The following RMND5B variants were observed in gnomAD, a reference collection of about 807,000 sequenced individuals.
RMND5B encodes E3 ubiquitin-protein transferase RMND5B.
RMND5B carries 42 observed loss-of-function variants against 50.4 expected under a neutral mutation model. The ratio of observed to expected loss-of-function variants is 0.83; its 90% confidence interval spans 0.65 to 1.08. The LOEUF (loss-of-function observed/expected upper bound fraction) is 1.08, where lower values mean the gene tolerates loss of function less well. Among genes scored for constraint, RMND5B ranks in the 50% least tolerant of loss-of-function variants. RMND5B has a pLI of 0.00. For missense variants in RMND5B, 463 were observed against 508.5 expected, an observed-to-expected ratio of 0.91 and a Z score of 0.86; for synonymous variants, 220 against 210.0, an observed-to-expected ratio of 1.05 and a Z score of -0.41.
chr5:178,145,895 C>A, intron 7 of RMND5B: 1 of 545,144 alleles, frequency 1.8e-6, no homozygotes, highest in East Asian at 2.9e-5. Context: ...GTTAGTAATG[C>A]CTGTTCTCAT....
chr5:178,131,366 G>C lies in RMND5B; in HGVS notation c.-23G>C, dbSNP rs1318049415. 3.3e-5 allele frequency: 5 copies of C among 152,220 alleles called. No homozygotes were observed. Among genetic ancestry groups the C allele is most frequent in the Non-Finnish European group, 7.3e-5 (5 of 68,080 alleles). The allele number at this position is 152,220 out of a possible 1,614,324, so 9.4% of individuals were successfully genotyped here. A position where few individuals can be genotyped will look rare whatever the true frequency, so the allele number is the denominator to read the frequency against. ...GTCCTCGTGCGACCGCGCTGGGTCGGAAGTGAGCAGGTGCGCACCGGGCTC... is the reference window on the plus strand; with the variant it reads ...GTCCTCGTGCGACCGCGCTGGGTCGCAAGTGAGCAGGTGCGCACCGGGCTC... On this transcript the variant is annotated 5_prime_UTR_variant, in exon 2 of 11. Coordinates refer to ENST00000313386, the MANE Select transcript of RMND5B (RefSeq NM_022762.5).
chr5:178,133,232 A>G (rs1246608285), intron 2 of RMND5B, among the ~76,000 whole-genome samples: 3 of 152,174 alleles, frequency 2.0e-5, no homozygotes. Flanking sequence ...CTCCTTACAC[A>G]GGAGCCCCTT....
At chr5:178,145,011 A>G (rs1755915161) in intron 7 of RMND5B, among the ~76,000 whole-genome samples, 1 of 152,176 alleles carries the variant, frequency 6.6e-6, no homozygotes, top group Non-Finnish European at 1.5e-5. Context: ...ATTATTTTAA[A>G]TTTTATCTCA....
intron 8 of RMND5B, 152 bp downstream of exon 8, chr5:178,146,431 G>A: frequency 1.5e-6 from 1 of 687,952 alleles, no homozygotes; most frequent in South Asian, 2.0e-5. Flanking sequence ...GGAATTACCT[G>A]TTTTTACAGT....
chr5:178,137,636 G>A lies in RMND5B; in HGVS notation c.-12-472G>A, dbSNP rs1229484987. On this transcript the variant is annotated intron_variant, in intron 2 of 10. Transcript: ENST00000313386. This position sits in a 1 kb window ranked among gnomAD's most constrained non-coding sequence, Gnocchi z 4.4. ...CCTGGGGGGATCAAGGTTGCCATGA[G>A]CTGAGTTTGTGCCACTGCACTCTAG... 6.6e-6 allele frequency among the ~76,000 whole-genome samples: 1 copy of A among 152,186 alleles called. No individual in the cohort carries two copies. The highest frequency in any genetic ancestry group is 1.5e-5 in the Non-Finnish European group (1 of 68,036).
intron 3 of RMND5B, among the ~76,000 whole-genome samples, chr5:178,139,710 ATTTT>A (rs113719288): frequency 9.2e-5 from 12 of 129,896 alleles, no homozygotes; most frequent in African/African-American, 1.2e-4. Context: ...TGCCTGGCTA[ATTTT>A]TTTTTTTTTT....
At position 178,150,379 on chromosome 5, in the gene RMND5B, C is replaced by G; in HGVS notation, c.*2347C>G. On this transcript the variant is annotated 3_prime_UTR_variant, in exon 11 of 11. Transcript: ENST00000313386. ...GTAGGTACCCAAGATCCACCCCCAG[C>G]CTCTATTTTTTTTTTTTGAGACAGG... is the stretch of plus-strand genomic sequence containing the variant. 1 of 259,790 alleles carries G rather than the reference C, an allele frequency of 3.8e-6. No homozygotes were observed. Among genetic ancestry groups the G allele is most frequent in the Non-Finnish European group, 7.4e-6 (1 of 134,318 alleles). The allele number at this position is 259,790 out of a possible 1,614,324, so 16.1% of individuals were successfully genotyped here.
chr5:178,149,561 C>T lies in RMND5B; in HGVS notation c.*1529C>T. 1.2e-6 allele frequency: 1 copy of T among 849,088 alleles called. No individual in the cohort carries two copies. Among genetic ancestry groups the T allele is most frequent in the South Asian group, 1.6e-5 (1 of 60,742 alleles). 52.6% of individuals were successfully genotyped at this position (849,088 alleles called of 1,614,324 possible). On this transcript the variant is annotated 3_prime_UTR_variant, in exon 11 of 11. Coordinates refer to ENST00000313386, the MANE Select transcript of RMND5B (RefSeq NM_022762.5). ...ATGGACAGAAGACTAGCATTACCTT[C>T]ATGAAAGGGCTGTTAGAGCTGCCTG...
intron 7 of RMND5B, 160 bp from the exon 8 acceptor site, chr5:178,145,954 A>C (rs780899328): frequency 2.9e-5 from 19 of 648,796 alleles, no homozygotes; most frequent in Middle Eastern, 4.3e-4. Context: ...TTTTACAGTC[A>C]AATTTGCCTG....
intron 2 of RMND5B, among the ~76,000 whole-genome samples, chr5:178,136,978 A>G (rs1183035330): frequency 6.6e-6 from 1 of 152,142 alleles, no homozygotes; most frequent in Admixed American, 6.5e-5. Context: ...AGGCAGGCCC[A>G]GTGACCAAAA....
rs1053897737 is a variant in RMND5B, at chr5:178,149,458, C to T, written c.*1426C>T. 8.7e-6 allele frequency: 4 copies of T among 458,232 alleles called. No individual in the cohort carries two copies. The allele number at this position is 458,232 out of a possible 1,614,324, so 28.4% of individuals were successfully genotyped here. The stretch of plus-strand genomic sequence containing the variant: ...GCTTAAGAAAACACCCACAGACTCA[C>T]CACATTTTAGTCTTAGCATTTACTT... On this transcript the variant is annotated 3_prime_UTR_variant, in exon 11 of 11. Coordinates refer to ENST00000313386, the MANE Select transcript of RMND5B (RefSeq NM_022762.5).
chr5:178,143,814 T>C (rs1290439765), intron 6 of RMND5B, 87 bp downstream of exon 6: 1 of 1,448,852 alleles, frequency 6.9e-7, no homozygotes, highest in African/African-American at 1.4e-5. Flanking sequence ...TTCACCCAGA[T>C]GTACTTGACT....
chr5:178,143,842 C>T (rs1018075925), intron 6 of RMND5B, 100 bp from the exon 7 acceptor site: 4 of 1,492,980 alleles, frequency 2.7e-6, no homozygotes, highest in Non-Finnish European at 3.7e-6. Flanking sequence ...AGCCCTGTCT[C>T]AAGAGCCTCA....
intron 7 of RMND5B, among the ~76,000 whole-genome samples, chr5:178,144,662 C>T (rs1008532588): frequency 2.0e-5 from 3 of 149,158 alleles, no homozygotes; most frequent in East Asian, 2.0e-4. Flanking sequence ...ACCCGGGAGG[C>T]GGAGCTTGAT....
chr5:178,144,210 C>G (rs1272068159), intron 7 of RMND5B, 102 bp downstream of exon 7: 2 of 1,296,062 alleles, frequency 1.5e-6, no homozygotes, highest in African/African-American at 2.9e-5. Context: ...GTGGGGCTGT[C>G]TGTTACACAG....
At chr5:178,143,060 T>C in intron 5 of RMND5B, 68 bp downstream of exon 5, 1 of 1,527,440 alleles carries the variant, frequency 6.5e-7, no homozygotes, top group East Asian at 2.3e-5. Flanking sequence ...TTTCACTGTA[T>C]GAAGTCCCTA....
rs930758921 is a variant in RMND5B at position 178,138,501 on chromosome 5, CT to C, written c.139+250del. The C allele has an allele frequency of 1.8e-5, 18 of 999,866 alleles. No individual in the cohort carries two copies. The highest frequency in any genetic ancestry group is 4.0e-5 in the Admixed American group (1 of 24,974). 61.9% of individuals were successfully genotyped at this position (999,866 alleles called of 1,614,324 possible). A position where few individuals can be genotyped will look rare whatever the true frequency, so the allele number is the denominator to read the frequency against. On this transcript the variant is annotated intron_variant, in intron 3 of 10. Transcript: ENST00000313386. The surrounding 1 kb of genome is among the most constrained non-coding windows in gnomAD (Gnocchi z 5.1). ...TTTCAACTTACTTTTCTATTTTTAA[CT>C]TTTTTTCATTTTATAATTGTGTGTG...
At position 178,132,680 on chromosome 5, in the gene RMND5B, G is replaced by A. The variant is rs750111808; in HGVS notation, c.-13+1304G>A. Among the ~76,000 whole-genome samples, 6 of 149,082 alleles carry A rather than the reference G, an allele frequency of 4.0e-5. No homozygotes were observed. In the East Asian group the frequency reaches 1.2e-3, roughly 30 times the overall value. On this transcript the variant is annotated intron_variant, in intron 2 of 10. Transcript: ENST00000313386. ...GCCCAGGAGGTCGAGGCTGCAGTGA[G>A]CCCTGATTGTACCACAGCACTCTGG...
Position 178,149,926 on chromosome 5 carries a change from C to T in RMND5B, c.*1894C>T. The stretch of plus-strand genomic sequence containing the variant: ...CCAACTGATGACCCACCAGCCTAAT[C>T]TGGCCCACAACCATGTTCTGTTCGG... On this transcript the variant is annotated 3_prime_UTR_variant, in exon 11 of 11. Coordinates refer to ENST00000313386, the MANE Select transcript of RMND5B (RefSeq NM_022762.5). 1 of 1,439,256 alleles carries T rather than the reference C, an allele frequency of 6.9e-7. No homozygotes were observed. The highest frequency in any genetic ancestry group is 9.6e-7 in the Non-Finnish European group (1 of 1,037,204). 89.2% of individuals were successfully genotyped at this position (1,439,256 alleles called of 1,614,324 possible). A position where few individuals can be genotyped will look rare whatever the true frequency, so the allele number is the denominator to read the frequency against.
Sources: gnomAD v4.1 joint callset for allele counts (sites outside exome capture counted in the v4.1 genomes callset) on GRCh38, gnomAD v4.1.1 for gene constraint, Gnocchi (gnomAD v3.1) non-coding constraint, MANE v1.5 for transcripts, NCBI Gene and HGNC (gene_info 2026-07-23, HGNC 2026-07-21) for gene names.